DISC1: variants seen among roughly 807,000 people sequenced by gnomAD.
The protein encoded by DISC1 is DISC1 scaffold protein, also known as disrupted in schizophrenia 1 protein.
A neutral mutation model predicts 84.5 loss-of-function variants in DISC1; 57 were observed. The observed-to-expected ratio is 0.67, with a 90% CI of 0.55 to 0.84. DISC1 has a LOEUF of 0.84. Ranked by LOEUF, DISC1 falls within the 40% of genes least tolerant of loss-of-function variation. The probability of loss-of-function intolerance (pLI) is 0.00; values close to 1 mark genes in which losing one functional copy is unlikely to be tolerated. For synonymous variants in DISC1, 411 were observed against 415.2 expected, an observed-to-expected ratio of 0.99 and a Z score of 0.12; for missense variants, 1,000 against 1,057.8, an observed-to-expected ratio of 0.95 and a Z score of 0.76.
Position 231,694,133 on chromosome 1 carries a change from C to T in DISC1, c.375C>T (p.Gly125=), listed in dbSNP as rs1433049003. Residue 125 remains glycine, a synonymous_variant, in exon 2 of 13, where the codon GGC becomes GGT. Transcript: ENST00000439617. ...SAHFGIQLRG[G]TRLPDRLSWP... ...ACTTTGGGATTCAGCTCAGAGGTGG[C>T]ACCAGATTGCCTGACAGGCTTAGCT... 6.2e-7 allele frequency: 1 copy of T among 1,614,160 alleles called. No homozygotes were observed.
intron 1 of DISC1, among the ~76,000 whole-genome samples, chr1:231,629,070 G>T (rs1470169833): frequency 6.6e-6 from 1 of 152,218 alleles, no homozygotes; most frequent in Non-Finnish European, 1.5e-5. Context: ...CAAAATGTAA[G>T]AGTGAACTGT....
At chr1:231,922,265 T>C (rs1452965865) in intron 9 of DISC1, among the ~76,000 whole-genome samples, 1 of 152,226 alleles carries the variant, frequency 6.6e-6, no homozygotes, top group Non-Finnish European at 1.5e-5. Context: ...CTGACAGACA[T>C]GCACCTTGTC....
At chr1:231,940,758 A>C (rs2091278332) in intron 9 of DISC1, among the ~76,000 whole-genome samples, 1 of 152,230 alleles carries the variant, frequency 6.6e-6, no homozygotes, top group East Asian at 1.9e-4. Context: ...TGCAGTTTTC[A>C]CATTAGCATT....
chr1:231,870,786 A>G (rs947522518), intron 9 of DISC1, among the ~76,000 whole-genome samples: 1 of 152,190 alleles, frequency 6.6e-6, no homozygotes, highest in Non-Finnish European at 1.5e-5. Flanking sequence ...TCCTTCCAAA[A>G]TTATTATGCT....
intron 1 of DISC1, among the ~76,000 whole-genome samples, chr1:231,687,702 G>A (rs138556600): frequency 0.013 from 1,914 of 152,306 alleles, 12 homozygotes; most frequent in Middle Eastern, 0.034. Context: ...TTTAGGCCAA[G>A]CTTAGGCCCA....
chr1:231,670,262 C>T (rs779302406), intron 1 of DISC1, among the ~76,000 whole-genome samples: 2 of 152,142 alleles, frequency 1.3e-5, no homozygotes, highest in Non-Finnish European at 2.9e-5. Context: ...CTAATGGGTA[C>T]TAGGCTTAAT....
At chr1:231,921,009 C>A (rs144078615) in intron 9 of DISC1, among the ~76,000 whole-genome samples, 4 of 150,594 alleles carry the variant, frequency 2.7e-5, no homozygotes, top group African/African-American at 7.3e-5. Context: ...TGGGTTCAAG[C>A]GATTCCCCTG....
chr1:231,671,495 A>G (rs1234869990), intron 1 of DISC1, among the ~76,000 whole-genome samples: 1 of 152,148 alleles, frequency 6.6e-6, no homozygotes, highest in African/African-American at 2.4e-5. Flanking sequence ...AAAAATTAAC[A>G]TTACCATAGC....
At chr1:231,860,168 G>T (rs1004116909) in intron 9 of DISC1, among the ~76,000 whole-genome samples, 25 of 152,106 alleles carry the variant, frequency 1.6e-4, no homozygotes, top group African/African-American at 5.8e-4. Context: ...ATAGTTTAGG[G>T]TTTTATTCCA....
Position 231,675,647 on chromosome 1 carries a change from C to T in DISC1, c.68-18179C>T, listed in dbSNP as rs201230646. On this transcript the variant is annotated intron_variant, in intron 1 of 12. Transcript: ENST00000439617. The surrounding 1 kb of genome is among the most constrained non-coding windows in gnomAD (Gnocchi z 4.1). The stretch of plus-strand genomic sequence containing the variant: ...TTAAAGATGGTGCTGTGAGGGACAG[C>T]CATGGAGGCCCATGTGCGCCATTGC... Among the ~76,000 whole-genome samples, 10 of 152,082 alleles carry T rather than the reference C, an allele frequency of 6.6e-5. No individual in the cohort carries two copies. Among genetic ancestry groups the T allele is most frequent in the Non-Finnish European group, 1.2e-4 (8 of 68,016 alleles).
chr1:231,802,684 T>C (rs1419647243), intron 8 of DISC1, among the ~76,000 whole-genome samples: 1 of 152,184 alleles, frequency 6.6e-6, no homozygotes, highest in Non-Finnish European at 1.5e-5. Flanking sequence ...TTCATCTCTC[T>C]TCTCTTGCAT....
At chr1:232,028,012 T>C (rs1450870243) in intron 12 of DISC1, among the ~76,000 whole-genome samples, 1 of 152,240 alleles carries the variant, frequency 6.6e-6, no homozygotes, top group Non-Finnish European at 1.5e-5. Context: ...TTGCTTTAGG[T>C]AGATTTTGAA....
At chr1:231,677,072 A>C (rs866702788) in intron 1 of DISC1, among the ~76,000 whole-genome samples, 6 of 152,364 alleles carry the variant, frequency 3.9e-5, no homozygotes, top group Non-Finnish European at 7.3e-5. Flanking sequence ...AGGTTTCTGT[A>C]ACTCTAGGGT....
chr1:231,697,371 A>ATTCGTC (rs1317858524), intron 2 of DISC1, among the ~76,000 whole-genome samples: 3 of 152,134 alleles, frequency 2.0e-5, no homozygotes, highest in Non-Finnish European at 2.9e-5. Flanking sequence ...ATATGTGTGA[A>ATTCGTC]TTCGTCTACT....
At position 231,703,316 on chromosome 1, in the gene DISC1, C is replaced by T. The variant is rs139014069; in HGVS notation, c.1117+1292C>T. On this transcript the variant is annotated intron_variant, in intron 3 of 12. Transcript: ENST00000439617. Reference sequence around the variant, plus strand: ...GAGTTGCCTGAGAGAGGAGGCAAGTCGGAGGCAGGGGAAGGCACCCCTCAA... The same window carrying T: ...GAGTTGCCTGAGAGAGGAGGCAAGTTGGAGGCAGGGGAAGGCACCCCTCAA... Among the ~76,000 whole-genome samples, 24 of 152,214 alleles carry T rather than the reference C, an allele frequency of 1.6e-4. No individual in the cohort carries two copies. The East Asian group carries it at 3.9e-3, about 25-fold the overall frequency.
chr1:231,882,824 G>A (rs2086392028), intron 9 of DISC1, among the ~76,000 whole-genome samples: 1 of 152,056 alleles, frequency 6.6e-6, no homozygotes, highest in South Asian at 2.1e-4. Context: ...GGCCTGAAAT[G>A]TGTGGACAGT....
At chr1:231,960,094 A>G (rs1342917313) in intron 10 of DISC1, among the ~76,000 whole-genome samples, 1 of 152,096 alleles carries the variant, frequency 6.6e-6, no homozygotes, top group African/African-American at 2.4e-5. Flanking sequence ...GTAAGTGCTC[A>G]CTTTCTGTTC....
intron 9 of DISC1, chr1:231,940,787 A>G (rs570286987): frequency 6.6e-6 from 1 of 152,368 alleles, no homozygotes; most frequent in Non-Finnish European, 1.5e-5. Context: ...TACAATTTCT[A>G]AAGCCAAAGA....
chr1:231,722,842 C>T (rs2070018272), intron 3 of DISC1: 3 of 1,420,306 alleles, frequency 2.1e-6, no homozygotes, highest in Non-Finnish European at 2.7e-6. Context: ...TACCGTTTCT[C>T]CCATGCGTTT....
Sources: gnomAD v4.1 joint callset for allele counts (sites outside exome capture counted in the v4.1 genomes callset) on GRCh38, gnomAD v4.1.1 for gene constraint, Gnocchi (gnomAD v3.1) non-coding constraint, MANE v1.5 for transcripts, NCBI Gene and HGNC (gene_info 2026-07-23, HGNC 2026-07-21) for gene names.